The following VAV3 variants were observed in gnomAD, a reference collection of about 807,000 sequenced individuals.
VAV3 encodes the protein guanine nucleotide exchange factor VAV3.
Under a neutral mutation model 131.2 loss-of-function variants are expected in VAV3, and 94 were observed. The ratio of observed to expected loss-of-function variants is 0.72; its 90% CI spans 0.61 to 0.85. The LOEUF is 0.85. Ranked by LOEUF, VAV3 falls within the 40% of genes least tolerant of loss-of-function variation. VAV3 has a pLI of 0.00. For synonymous variants in VAV3, 349 were observed against 342.0 expected (o/e 1.02, Z -0.22); for missense variants, 939 against 1,002.7 (o/e 0.94, Z 0.86).
intron 19 of VAV3, among the ~76,000 whole-genome samples, chr1:107,665,073 G>A (rs577864739): frequency 4.5e-4 from 68 of 152,310 alleles, no homozygotes; most frequent in African/African-American, 1.6e-3. Flanking sequence ...AAGAGTTTAA[G>A]TAGGAGAGGC....
At chr1:107,587,739 T>C (rs1650614330) in intron 25 of VAV3, among the ~76,000 whole-genome samples, 2 of 152,096 alleles carry the variant, frequency 1.3e-5, no homozygotes, top group Admixed American at 6.5e-5. Flanking sequence ...TACAGATGCG[T>C]GCCACCACAC....
intron 15 of VAV3, among the ~76,000 whole-genome samples, chr1:107,736,694 GA>G (rs1244225054): frequency 6.6e-6 from 1 of 150,590 alleles, no homozygotes; most frequent in Non-Finnish European, 1.5e-5. Context: ...ACTGCTCAAC[GA>G]AATAAAAGAA....
At chr1:107,655,752 T>C (rs1445594142) in intron 19 of VAV3, among the ~76,000 whole-genome samples, 1 of 151,956 alleles carries the variant, frequency 6.6e-6, no homozygotes, top group Admixed American at 6.6e-5. Context: ...CTCAAACAAC[T>C]AAGAAGAAAC....
At chr1:107,753,613 G>A (rs1663919908) in intron 12 of VAV3, among the ~76,000 whole-genome samples, 2 of 149,516 alleles carry the variant, frequency 1.3e-5, no homozygotes, top group African/African-American at 4.9e-5. Context: ...AGGCTGCAGT[G>A]CAGTGGCATG....
intron 17 of VAV3, among the ~76,000 whole-genome samples, chr1:107,700,269 A>G (rs912799661): frequency 1.9e-5 from 1 of 53,362 alleles, no homozygotes; most frequent in Non-Finnish European, 5.2e-5. Context: ...GCCATGAGCA[A>G]TAAGCATTTT....
At chr1:107,757,526 C>T (rs1664179663) in intron 10 of VAV3, among the ~76,000 whole-genome samples, 197 bp from the exon 11 acceptor site, 1 of 152,062 alleles carries the variant, frequency 6.6e-6, no homozygotes, top group Admixed American at 6.6e-5. Flanking sequence ...TCATGAGACA[C>T]AATATGAGAT....
At chr1:107,934,210 T>C (rs1201188102) in intron 1 of VAV3, among the ~76,000 whole-genome samples, 2 of 152,242 alleles carry the variant, frequency 1.3e-5, no homozygotes, top group Non-Finnish European at 2.9e-5. Context: ...ATAAATTCTC[T>C]ATTCTGTGAA....
intron 15 of VAV3, among the ~76,000 whole-genome samples, chr1:107,723,321 G>T (rs576123295): frequency 1.3e-4 from 20 of 152,178 alleles, no homozygotes; most frequent in Admixed American, 3.3e-4. Flanking sequence ...CTTATGCTGT[G>T]TTGCTGCCCT....
chr1:107,578,249 T>C (rs1402399457), intron 25 of VAV3, among the ~76,000 whole-genome samples: 1 of 152,222 alleles, frequency 6.6e-6, no homozygotes, highest in Non-Finnish European at 1.5e-5. Context: ...TCACCTACCA[T>C]GAAGTATACT....
At chr1:107,940,899 T>C (rs376208706) in intron 1 of VAV3, among the ~76,000 whole-genome samples, 4 of 152,040 alleles carry the variant, frequency 2.6e-5, no homozygotes, top group African/African-American at 7.2e-5. Flanking sequence ...GTGGTGATGA[T>C]TGCACAACAG....
chr1:107,839,533 T>C lies in VAV3; in HGVS notation c.321+35368A>G, dbSNP rs192621380. ...ATGAGATGCAGCAAAAATTGGTCCT[T>C]AGAGAAAAATTTATAGCATTAAATG... is the stretch of plus-strand genomic sequence containing the variant. On this transcript the variant is annotated intron_variant, in intron 2 of 26. Coordinates refer to ENST00000370056, the MANE Select transcript of VAV3 (RefSeq NM_006113.5). 2.0e-3 allele frequency among the ~76,000 whole-genome samples: 310 copies of C among 152,158 alleles called. 1 individual carries two copies. Among genetic ancestry groups the C allele is most frequent in the African/African-American group, 7.1e-3 (295 of 41,550 alleles).
At chr1:107,764,075 G>GA (rs11346427) in intron 9 of VAV3, among the ~76,000 whole-genome samples, 4 of 138,224 alleles carry the variant, frequency 2.9e-5, no homozygotes, top group African/African-American at 1.1e-4. Context: ...TCCTCTTCAG[G>GA]AAAAAAAAAA....
chr1:107,605,344 C>T (rs1183558920), intron 22 of VAV3, among the ~76,000 whole-genome samples: 1 of 152,124 alleles, frequency 6.6e-6, no homozygotes, highest in Admixed American at 6.5e-5. Context: ...GGTTAGCTAT[C>T]TTTGGAGTAG....
At chr1:107,772,636 T>C in intron 5 of VAV3, 99 bp downstream of exon 5, 1 of 1,029,014 alleles carries the variant, frequency 9.7e-7, no homozygotes, top group Non-Finnish European at 1.4e-6. Context: ...CAAGCAAAGG[T>C]TAAAAAAAAT....
At chr1:107,637,311 G>A (rs1299293764) in intron 20 of VAV3, among the ~76,000 whole-genome samples, 1 of 151,974 alleles carries the variant, frequency 6.6e-6, no homozygotes, top group Non-Finnish European at 1.5e-5. Flanking sequence ...CCATATGTTT[G>A]TTTTATAATT....
intron 1 of VAV3, among the ~76,000 whole-genome samples, chr1:107,929,843 T>C (rs1051919315): frequency 2.0e-5 from 3 of 152,070 alleles, no homozygotes; most frequent in Non-Finnish European, 4.4e-5. Flanking sequence ...CACAACAGAG[T>C]ACTACTCAGC....
chr1:107,803,227 T>C lies in VAV3; in HGVS notation c.322-23735A>G, dbSNP rs1283651658. Among the ~76,000 whole-genome samples, 4 of 152,022 alleles carry C rather than the reference T, an allele frequency of 2.6e-5. No homozygotes were observed. The South Asian group carries it at 6.2e-4, about 24-fold the overall frequency. On this transcript the variant is annotated intron_variant, in intron 2 of 26. Transcript: ENST00000370056. ...TTGTATTCATTTGGGCCTTCTCTCTTTTTTGGTAGTCTATTTAAAGGTTTG... is the reference window on the plus strand; with the variant it reads ...TTGTATTCATTTGGGCCTTCTCTCTCTTTTGGTAGTCTATTTAAAGGTTTG...
intron 1 of VAV3, among the ~76,000 whole-genome samples, chr1:107,879,091 CAT>C: frequency 6.6e-6 from 1 of 152,100 alleles, no homozygotes; most frequent in Non-Finnish European, 1.5e-5. Flanking sequence ...CAAATTGGTT[CAT>C]GTTTCCTTTC....
At chr1:107,732,469 C>T (rs903261525) in intron 15 of VAV3, among the ~76,000 whole-genome samples, 3 of 152,250 alleles carry the variant, frequency 2.0e-5, no homozygotes, top group Admixed American at 2.0e-4. Context: ...CAAGGGAAGC[C>T]GTGACAGACT....
Sources: allele counts gnomAD v4.1 joint callset (sites outside exome capture counted in the v4.1 genomes callset), GRCh38; gene constraint gnomAD v4.1.1; transcripts MANE v1.5; gene names NCBI Gene and HGNC (gene_info 2026-07-23, HGNC 2026-07-21).